The following SLC22A23 variants were observed in gnomAD, a reference collection of about 807,000 sequenced individuals.
SLC22A23 encodes the protein solute carrier family 22 member 23, also known as ion transporter protein.
SLC22A23 carries 26 observed loss-of-function variants against 61.0 expected under a neutral mutation model. That is an observed-to-expected ratio of 0.43 (90% CI 0.31 to 0.59). The LOEUF is 0.59. Among genes scored for constraint, SLC22A23 ranks in the 20% least tolerant of loss-of-function variants. SLC22A23 has a pLI of 0.11. For missense variants in SLC22A23, 796 were observed against 934.7 expected, an observed-to-expected ratio of 0.85 and a Z score of 1.94; for synonymous variants, 430 against 413.9, an observed-to-expected ratio of 1.04 and a Z score of -0.47.
chr6:3,390,923 G>A lies in SLC22A23; in HGVS notation c.913+19265C>T, dbSNP rs938133956. ...CATGACACTTACTGTTGATGTTGGC[G>A]CCTCTTTTTCCGTGAATTTGGTCAA... On this transcript the variant is annotated intron_variant, in intron 3 of 9. Coordinates refer to ENST00000406686, the MANE Select transcript of SLC22A23 (RefSeq NM_015482.2). The surrounding 1 kb of genome is among the most constrained non-coding windows in gnomAD (Gnocchi z 4.0). 1.6e-4 allele frequency among the ~76,000 whole-genome samples: 25 copies of A among 152,128 alleles called. No individual in the cohort carries two copies. Among genetic ancestry groups the A allele is most frequent in the Non-Finnish European group, 1.8e-4 (12 of 68,024 alleles).
At chr6:3,415,359 G>A (rs1013595011) in intron 2 of SLC22A23, among the ~76,000 whole-genome samples, 78 of 152,234 alleles carry the variant, frequency 5.1e-4, no homozygotes, top group Non-Finnish European at 1.1e-3. Flanking sequence ...AGCTCGCATG[G>A]GGGAAGGGTC....
At chr6:3,375,138 G>T (rs1003829598) in intron 3 of SLC22A23, among the ~76,000 whole-genome samples, 1 of 152,042 alleles carries the variant, frequency 6.6e-6, no homozygotes, top group Non-Finnish European at 1.5e-5. Context: ...GATAAGAAGT[G>T]AGACTTCAAA....
chr6:3,374,182 A>G (rs564381142), intron 3 of SLC22A23, among the ~76,000 whole-genome samples: 42 of 152,326 alleles, frequency 2.8e-4, no homozygotes, highest in African/African-American at 9.9e-4. Context: ...GTTAAATATC[A>G]TTTATGACAT....
intron 1 of SLC22A23, among the ~76,000 whole-genome samples, chr6:3,437,011 G>A (rs1183370097): frequency 6.6e-6 from 1 of 152,118 alleles, no homozygotes; most frequent in Non-Finnish European, 1.5e-5. Context: ...TAAATTGCCT[G>A]GTAACCTTCT....
At chr6:3,411,617 T>C (rs912025101) in intron 2 of SLC22A23, among the ~76,000 whole-genome samples, 2 of 144,646 alleles carry the variant, frequency 1.4e-5, no homozygotes, top group African/African-American at 5.2e-5. Context: ...GCAAATTATA[T>C]GTCAATAAAA....
At chr6:3,405,192 C>G (rs921932156) in intron 3 of SLC22A23, among the ~76,000 whole-genome samples, 2 of 151,396 alleles carry the variant, frequency 1.3e-5, no homozygotes, top group Non-Finnish European at 2.9e-5. Context: ...ACCTGGGGGG[C>G]GGAGGTTGTA....
At chr6:3,348,976 T>A (rs1249114923) in intron 3 of SLC22A23, among the ~76,000 whole-genome samples, 2 of 152,250 alleles carry the variant, frequency 1.3e-5, no homozygotes, top group Non-Finnish European at 2.9e-5. Context: ...AATAGTCATC[T>A]TTCATAACCC....
At chr6:3,384,424 T>C (rs894278632) in intron 3 of SLC22A23, among the ~76,000 whole-genome samples, 2 of 152,228 alleles carry the variant, frequency 1.3e-5, no homozygotes, top group Non-Finnish European at 2.9e-5. Context: ...TTCTAAATCA[T>C]ATCAGTGGGA....
rs781090114 is a variant in SLC22A23, at chr6:3,308,273, C to T, written c.1083-10055G>A. On this transcript the variant is annotated intron_variant, in intron 4 of 9. Coordinates refer to ENST00000406686, the MANE Select transcript of SLC22A23 (RefSeq NM_015482.2). This position sits in a 1 kb window ranked among gnomAD's most constrained non-coding sequence, Gnocchi z 5.1. ...GCTCACCCCAATCCCAGTGCCCCTG[C>T]ACTCACCCTCCCGTCCTCCAGGGCT... is the stretch of plus-strand genomic sequence containing the variant. Among the ~76,000 whole-genome samples the T allele has an allele frequency of 6.6e-6, 1 of 152,206 alleles. No homozygotes were observed. The highest frequency in any genetic ancestry group is 2.4e-5 in the African/African-American group (1 of 41,440).
Position 3,324,194 on chromosome 6 carries a change from A to G in SLC22A23, c.914-192T>C. 2 of 630,780 alleles carry G rather than the reference A, an allele frequency of 3.2e-6. No homozygotes were observed. The highest frequency in any genetic ancestry group is 1.8e-5 in the African/African-American group (1 of 54,532). The allele number at this position is 630,780 out of a possible 1,614,324, so 39.1% of individuals were successfully genotyped here. Reference sequence around the variant, plus strand: ...CGTTGAGGCTCCAACTGGGAAGGGAAGTGAGACGGTTGTTCAAGGCCACAG... The same window carrying G: ...CGTTGAGGCTCCAACTGGGAAGGGAGGTGAGACGGTTGTTCAAGGCCACAG... On this transcript the variant is annotated intron_variant, in intron 3 of 9. Coordinates refer to ENST00000406686, the MANE Select transcript of SLC22A23 (RefSeq NM_015482.2). This position sits in a 1 kb window ranked among gnomAD's most constrained non-coding sequence, Gnocchi z 4.3.
rs1333104627 is a variant in SLC22A23, at chr6:3,387,463, C to A, written c.913+22725G>T. Among the ~76,000 whole-genome samples the A allele has an allele frequency of 6.6e-6, 1 of 152,162 alleles. No individual in the cohort carries two copies. The highest frequency in any genetic ancestry group is 6.5e-5 in the Admixed American group (1 of 15,276). ...CCAAGGAACTGTCACAGATCAGAGG[C>A]GACTGTGGAGACACAGCTACATTTA... is the stretch of plus-strand genomic sequence containing the variant. On this transcript the variant is annotated intron_variant, in intron 3 of 9. Coordinates refer to ENST00000406686, the MANE Select transcript of SLC22A23 (RefSeq NM_015482.2). This position sits in a 1 kb window ranked among gnomAD's most constrained non-coding sequence, Gnocchi z 5.0.
intron 1 of SLC22A23, among the ~76,000 whole-genome samples, chr6:3,445,482 G>A (rs1251153415): frequency 6.6e-6 from 1 of 152,252 alleles, no homozygotes; most frequent in Non-Finnish European, 1.5e-5. Context: ...TTACAGGCAT[G>A]AGCCACTGTG....
intron 3 of SLC22A23, among the ~76,000 whole-genome samples, chr6:3,350,468 G>A (rs1288260371): frequency 1.3e-5 from 2 of 152,204 alleles, no homozygotes; most frequent in Non-Finnish European, 2.9e-5. Flanking sequence ...CGACAAATGC[G>A]GCTTTTGTGG....
chr6:3,277,921 G>A (rs1297884447), intron 9 of SLC22A23, among the ~76,000 whole-genome samples: 1 of 152,226 alleles, frequency 6.6e-6, no homozygotes, highest in African/African-American at 2.4e-5. Flanking sequence ...TAGCTTTGAC[G>A]AAGCGAGCTG....
At chr6:3,440,962 G>A (rs1581896261) in intron 1 of SLC22A23, among the ~76,000 whole-genome samples, 1 of 152,366 alleles carries the variant, frequency 6.6e-6, no homozygotes, top group Admixed American at 6.5e-5. Flanking sequence ...TTCCTGAGCA[G>A]TTGTGTGGGG....
intron 3 of SLC22A23, among the ~76,000 whole-genome samples, chr6:3,398,639 G>A (rs1345484792): frequency 6.6e-6 from 1 of 151,892 alleles, no homozygotes; most frequent in East Asian, 1.9e-4. Flanking sequence ...TGGAGGCCCT[G>A]CAGCTTCGCC....
At chr6:3,455,029 T>A (rs1772325741) in intron 1 of SLC22A23, among the ~76,000 whole-genome samples, 3 of 152,210 alleles carry the variant, frequency 2.0e-5, no homozygotes, top group Admixed American at 6.5e-5. Context: ...TGTCTTGATA[T>A]CTCTTATATG....
At chr6:3,393,208 T>G (rs987123447) in intron 3 of SLC22A23, among the ~76,000 whole-genome samples, 5 of 152,044 alleles carry the variant, frequency 3.3e-5, no homozygotes, top group Admixed American at 1.3e-4. Flanking sequence ...AAAGCCTCAG[T>G]GGACTGAGGC....
chr6:3,449,809 T>G (rs9392496), intron 1 of SLC22A23, among the ~76,000 whole-genome samples: 102,623 of 152,044 alleles, frequency 0.67, 34,779 homozygotes, highest in South Asian at 0.77. Context: ...TTCTAAAAAT[T>G]TCTTACACGT....
Sources: gnomAD v4.1 joint callset for allele counts (sites outside exome capture counted in the v4.1 genomes callset) on GRCh38, gnomAD v4.1.1 for gene constraint, Gnocchi (gnomAD v3.1) non-coding constraint, MANE v1.5 for transcripts, NCBI Gene and HGNC (gene_info 2026-07-23, HGNC 2026-07-21) for gene names.